TANC1: variants seen among roughly 807,000 people sequenced by gnomAD.
TANC1 encodes the protein protein TANC1.
TANC1 carries 77 observed loss-of-function variants against 149.7 expected under a neutral mutation model. The observed-to-expected ratio is 0.51, with a 90% confidence interval of 0.43 to 0.62. TANC1 has a LOEUF of 0.62. Among genes scored for constraint, TANC1 ranks in the 20% least tolerant of loss-of-function variants. The probability of loss-of-function intolerance (pLI) is 0.00; values close to 1 mark genes in which losing one functional copy is unlikely to be tolerated. For synonymous variants in TANC1, 854 were observed against 925.0 expected, an observed-to-expected ratio of 0.92 and a Z score of 1.39; for missense variants, 1,985 against 2,321.8, an observed-to-expected ratio of 0.85 and a Z score of 2.98.
At chr2:158,997,696 A>G (rs948167163) in intron 1 of TANC1, among the ~76,000 whole-genome samples, 1 of 152,232 alleles carries the variant, frequency 6.6e-6, no homozygotes, top group Non-Finnish European at 1.5e-5. Flanking sequence ...TTGAGCAACA[A>G]AATAAATAAT....
intron 1 of TANC1, among the ~76,000 whole-genome samples, chr2:158,985,910 C>T (rs1026619523): frequency 8.5e-5 from 13 of 152,172 alleles, no homozygotes; most frequent in Non-Finnish European, 1.5e-4. Context: ...CAAAGTGCTG[C>T]GATTATAAGC....
In TANC1 at chr2:159,150,554, T is replaced by A. The variant is rs757660211; in HGVS notation, c.680T>A (p.Ile227Lys). 1 of 1,611,514 alleles carries A rather than the reference T, an allele frequency of 6.2e-7. No individual in the cohort carries two copies. Among genetic ancestry groups the A allele is most frequent in the East Asian group, 2.2e-5 (1 of 44,878 alleles). ...STLESKDSGI[I>K]ATITSSSEND... is the part of the protein sequence containing the mutation. ...CTGGAAAGCAAGGACAGTGGAATTA[T>A]AGGTAAGAAGCACACTGCTCGGTAA... is the stretch of plus-strand genomic sequence containing the variant. Residue 227 changes from isoleucine to lysine, a missense_variant and splice_region_variant, in exon 7 of 27, where the codon ATA (isoleucine) becomes AAA (lysine). Transcript: ENST00000263635.
chr2:159,202,356 GTATT>G (rs1439237895), intron 19 of TANC1, among the ~76,000 whole-genome samples: 1 of 152,232 alleles, frequency 6.6e-6, no homozygotes, highest in Non-Finnish European at 1.5e-5. Context: ...AATGGGAACA[GTATT>G]TAGTTTAGGG....
chr2:159,227,673 C>T, intron 24 of TANC1, 146 bp from the exon 25 acceptor site: 2 of 837,482 alleles, frequency 2.4e-6, no homozygotes, highest in Non-Finnish European at 3.7e-6. Context: ...TGAACTAGCT[C>T]CCACCTTGAC....
chr2:159,097,971 T>A, intron 4 of TANC1, 137 bp downstream of exon 4: 6 of 181,002 alleles, frequency 3.3e-5, no homozygotes, highest in Non-Finnish European at 6.4e-5. Context: ...GAAATAAATC[T>A]TTTTTTTTTT....
chr2:159,153,746 A>C (rs1233743247), intron 7 of TANC1, among the ~76,000 whole-genome samples: 2 of 152,122 alleles, frequency 1.3e-5, no homozygotes, highest in Non-Finnish European at 1.5e-5. Flanking sequence ...TTCACAGAGC[A>C]GGTTATCTAT....
At chr2:159,082,797 C>T (rs2044414442) in intron 3 of TANC1, among the ~76,000 whole-genome samples, 2 of 152,174 alleles carry the variant, frequency 1.3e-5, no homozygotes. Flanking sequence ...CAGTGTTCAC[C>T]TTTGGCTTTA....
intron 14 of TANC1, among the ~76,000 whole-genome samples, chr2:159,179,580 TC>T (rs1473414541): frequency 6.6e-6 from 1 of 152,012 alleles, no homozygotes; most frequent in Non-Finnish European, 1.5e-5. Context: ...CTGTCATGGG[TC>T]CTCAGCACCT....
intron 4 of TANC1, among the ~76,000 whole-genome samples, chr2:159,129,202 ATTATCT>A (rs1217911946): frequency 2.0e-5 from 3 of 152,196 alleles, no homozygotes; most frequent in Non-Finnish European, 4.4e-5. Flanking sequence ...TAAATATATA[ATTATCT>A]TTAACCGAAA....
At chr2:159,153,205 A>T (rs568967999) in intron 7 of TANC1, among the ~76,000 whole-genome samples, 64 of 152,356 alleles carry the variant, frequency 4.2e-4, no homozygotes, top group African/African-American at 1.5e-3. Context: ...TTTATAAAGA[A>T]GCTATGCAGG....
chr2:159,190,936 G>T (rs1395470508), intron 16 of TANC1, among the ~76,000 whole-genome samples: 1 of 152,242 alleles, frequency 6.6e-6, no homozygotes, highest in African/African-American at 2.4e-5. Context: ...TAAAAAGCAA[G>T]CCTATATAGA....
At chr2:159,081,077 G>T (rs1018586565) in intron 3 of TANC1, among the ~76,000 whole-genome samples, 1 of 152,218 alleles carries the variant, frequency 6.6e-6, no homozygotes, top group Non-Finnish European at 1.5e-5. Flanking sequence ...TGTCGAGCCA[G>T]CAGCTAGTCC....
At chr2:158,989,153 C>T (rs1244460492) in intron 1 of TANC1, among the ~76,000 whole-genome samples, 3 of 152,108 alleles carry the variant, frequency 2.0e-5, no homozygotes, top group Admixed American at 6.6e-5. Flanking sequence ...CAAAGATACC[C>T]CCTGAGGATG....
intron 2 of TANC1, among the ~76,000 whole-genome samples, chr2:159,053,847 G>A (rs549689145): frequency 1.3e-5 from 2 of 152,188 alleles, no homozygotes; most frequent in Non-Finnish European, 2.9e-5. Context: ...GTGGGCTAAT[G>A]AACTCAAGAG....
At chr2:159,014,721 A>T (rs536990684) in intron 2 of TANC1, among the ~76,000 whole-genome samples, 190 of 152,332 alleles carry the variant, frequency 1.2e-3, no homozygotes, top group Non-Finnish European at 1.4e-3. Context: ...AAATACAACC[A>T]TTCCAAATGG....
At chr2:159,068,753 C>T (rs537583363) in intron 3 of TANC1, among the ~76,000 whole-genome samples, 2 of 152,240 alleles carry the variant, frequency 1.3e-5, no homozygotes, top group Non-Finnish European at 2.9e-5. Context: ...CAGCCTGTGT[C>T]TTTTGAGACA....
chr2:159,180,499 G>A (rs963491540), intron 14 of TANC1, among the ~76,000 whole-genome samples: 10 of 152,216 alleles, frequency 6.6e-5, no homozygotes, highest in Admixed American at 6.5e-4. Flanking sequence ...AGGTTATGTA[G>A]CCTAGGTCAG....
chr2:159,015,404 T>C (rs545301006), intron 2 of TANC1, among the ~76,000 whole-genome samples: 1 of 152,248 alleles, frequency 6.6e-6, no homozygotes, highest in Admixed American at 6.5e-5. Flanking sequence ...AAAACCACTT[T>C]TTCCTCCTAG....
At chr2:159,014,330 A>G (rs773034290) in intron 2 of TANC1, among the ~76,000 whole-genome samples, 4 of 152,202 alleles carry the variant, frequency 2.6e-5, no homozygotes, top group African/African-American at 9.6e-5. Context: ...TAATAAAATG[A>G]TAAGATTCTG....
Sources: gnomAD v4.1 joint callset for allele counts (sites outside exome capture counted in the v4.1 genomes callset) on GRCh38, gnomAD v4.1.1 for gene constraint, MANE v1.5 for transcripts, NCBI Gene and HGNC (gene_info 2026-07-23, HGNC 2026-07-21) for gene names.